The following CNTN5 variants were observed in gnomAD, a reference collection of about 807,000 sequenced individuals.
The protein encoded by CNTN5 is contactin-5.
CNTN5 carries 77 observed loss-of-function variants against 129.1 expected under a neutral mutation model. The observed-to-expected ratio is 0.60, with a 90% CI of 0.50 to 0.72. CNTN5 has a LOEUF of 0.72. Ranked by LOEUF, CNTN5 falls within the 30% of genes least tolerant of loss-of-function variation. CNTN5 has a pLI of 0.00. For missense variants in CNTN5, 1,478 were observed against 1,328.8 expected, an observed-to-expected ratio of 1.11 and a Z score of -1.75; for synonymous variants, 509 against 465.6, an observed-to-expected ratio of 1.09 and a Z score of -1.20.
chr11:99,152,283 A>G (rs1285717381), intron 1 of CNTN5, among the ~76,000 whole-genome samples: 6 of 152,210 alleles, frequency 3.9e-5, no homozygotes, highest in Non-Finnish European at 8.8e-5. Context: ...ACTTTTAAAA[A>G]ATATTCATGA....
intron 13 of CNTN5, among the ~76,000 whole-genome samples, chr11:100,180,690 A>C (rs113522925): frequency 0.031 from 4,720 of 152,100 alleles, 246 homozygotes; most frequent in African/African-American, 0.11. Context: ...GATAAAAGGT[A>C]AGCTACGGAC....
At chr11:99,097,990 A>AAACT (rs1866555989) in intron 1 of CNTN5, among the ~76,000 whole-genome samples, 1 of 152,070 alleles carries the variant, frequency 6.6e-6, no homozygotes, top group African/African-American at 2.4e-5. Context: ...TGAGCGAAAA[A>AAACT]AAACTAAATT....
intron 3 of CNTN5, among the ~76,000 whole-genome samples, chr11:99,675,627 G>A (rs1953244664): frequency 6.6e-6 from 1 of 152,162 alleles, no homozygotes. Flanking sequence ...GGAGGTTGCA[G>A]TGAGCTGAGA....
chr11:100,002,052 A>T lies in CNTN5; in HGVS notation c.896A>T (p.Glu299Val), dbSNP rs1939907671. 1 of 1,595,754 alleles carries T rather than the reference A, an allele frequency of 6.3e-7. No individual in the cohort carries two copies. The highest frequency in any genetic ancestry group is 1.2e-5 in the South Asian group (1 of 86,846). Residue 299 changes from glutamate to valine, a missense_variant, in exon 9 of 25, where the codon GAG becomes GTG. Transcript: ENST00000524871. ...TTCTAAGGTGTGATGGGAGAATATG[A>T]GCCGAAAATTGAGGTCCATTTTCCT... ...LRNDGVMGEY[E>V]PKIEVHFPFT...
chr11:100,237,205 A>AG (rs1447990412), intron 16 of CNTN5, among the ~76,000 whole-genome samples: 22 of 150,204 alleles, frequency 1.5e-4, no homozygotes, highest in Middle Eastern at 3.5e-3. Context: ...AAAAAAAAAA[A>AG]AAAGAAAAGA....
chr11:99,906,270 G>GT (rs1394658553), intron 6 of CNTN5, among the ~76,000 whole-genome samples: 2 of 152,140 alleles, frequency 1.3e-5, no homozygotes, highest in Non-Finnish European at 2.9e-5. Context: ...CTGGCTGTGG[G>GT]TTTTTCATAA....
At chr11:100,140,371 A>G (rs529717866) in intron 13 of CNTN5, among the ~76,000 whole-genome samples, 33 of 152,342 alleles carry the variant, frequency 2.2e-4, no homozygotes, top group African/African-American at 6.0e-4. Flanking sequence ...AAGAGGGGGA[A>G]GTAAAAGAGG....
chr11:99,527,821 A>G (rs1947545666), intron 2 of CNTN5, among the ~76,000 whole-genome samples: 1 of 152,178 alleles, frequency 6.6e-6, no homozygotes, highest in Non-Finnish European at 1.5e-5. Flanking sequence ...AAAATTTATT[A>G]TCTGCATCAA....
chr11:99,584,205 G>A (rs1253178083), intron 3 of CNTN5, among the ~76,000 whole-genome samples: 1 of 151,960 alleles, frequency 6.6e-6, no homozygotes, highest in East Asian at 1.9e-4. Context: ...TTCCCTTTTG[G>A]GGGACAAAGT....
chr11:100,055,316 T>C (rs1260119681), intron 9 of CNTN5, among the ~76,000 whole-genome samples: 1 of 151,660 alleles, frequency 6.6e-6, no homozygotes, highest in Non-Finnish European at 1.5e-5. Flanking sequence ...TTTTGATCAG[T>C]ATTTTAGTAC....
chr11:99,985,212 C>T (rs7127371), intron 8 of CNTN5, among the ~76,000 whole-genome samples: 48,845 of 151,866 alleles, frequency 0.32, 8,396 homozygotes, highest in African/African-American at 0.43. Context: ...GGTTCCTGAG[C>T]TCTTGTCCAG....
chr11:100,272,382 A>G (rs1341381067), intron 18 of CNTN5, among the ~76,000 whole-genome samples: 1 of 152,344 alleles, frequency 6.6e-6, no homozygotes, highest in African/African-American at 2.4e-5. Flanking sequence ...GAACTGAACC[A>G]AAAATATGAC....
At chr11:99,080,770 C>T (rs1865758538) in intron 1 of CNTN5, among the ~76,000 whole-genome samples, 1 of 152,108 alleles carries the variant, frequency 6.6e-6, no homozygotes, top group Non-Finnish European at 1.5e-5. Context: ...CAGTTTCTGA[C>T]ACATTTTAAG....
chr11:99,829,660 A>G (rs1359568618), intron 4 of CNTN5, among the ~76,000 whole-genome samples: 1 of 152,160 alleles, frequency 6.6e-6, no homozygotes, highest in Non-Finnish European at 1.5e-5. Context: ...GTCAATGCAA[A>G]TGTTTCATAG....
At chr11:100,284,235 C>T (rs1409167861) in intron 18 of CNTN5, among the ~76,000 whole-genome samples, 1 of 152,162 alleles carries the variant, frequency 6.6e-6, no homozygotes, top group Non-Finnish European at 1.5e-5. Flanking sequence ...TGAGTGCTCA[C>T]CTGATTTTTG....
At chr11:99,945,237 A>G (rs1193327954) in intron 7 of CNTN5, among the ~76,000 whole-genome samples, 1 of 152,050 alleles carries the variant, frequency 6.6e-6, no homozygotes, top group African/African-American at 2.4e-5. Flanking sequence ...TTGATATGAG[A>G]TTGGAATACT....
chr11:99,723,182 C>T (rs943969535), intron 3 of CNTN5, among the ~76,000 whole-genome samples: 17 of 151,962 alleles, frequency 1.1e-4, no homozygotes, highest in African/African-American at 3.9e-4. Flanking sequence ...GCATATTCCT[C>T]AACTCCCTTC....
chr11:100,142,317 T>C (rs1946720079), intron 13 of CNTN5, among the ~76,000 whole-genome samples: 1 of 152,160 alleles, frequency 6.6e-6, no homozygotes, highest in African/African-American at 2.4e-5. Flanking sequence ...ATGTTATCCG[T>C]CTGTCTGTCT....
At chr11:99,321,795 TTTCTAC>T (rs1398486275) in intron 1 of CNTN5, among the ~76,000 whole-genome samples, 1 of 152,140 alleles carries the variant, frequency 6.6e-6, no homozygotes, top group African/African-American at 2.4e-5. Flanking sequence ...AAGGTTGAGA[TTTCTAC>T]AGAGGTAGTA....
Sources: gnomAD v4.1 joint callset for allele counts (sites outside exome capture counted in the v4.1 genomes callset) on GRCh38, gnomAD v4.1.1 for gene constraint, MANE v1.5 for transcripts, NCBI Gene and HGNC (gene_info 2026-07-23, HGNC 2026-07-21) for gene names.